DCX: variants seen among roughly 807,000 people sequenced by gnomAD.
DCX encodes doublecortin, also known as neuronal migration protein doublecortin.
DCX carries 4 observed loss-of-function variants against 20.9 expected under a neutral mutation model. That is an observed-to-expected ratio of 0.19 (90% CI 0.09 to 0.44). The LOEUF is 0.44. DCX is among the 20% of genes least tolerant of loss of function. The probability of loss-of-function intolerance (pLI) is 0.99; values close to 1 mark genes in which losing one functional copy is unlikely to be tolerated. For synonymous variants in DCX, 103 were observed against 111.4 expected, an observed-to-expected ratio of 0.92 and a Z score of 0.47; for missense variants, 133 against 296.9, an observed-to-expected ratio of 0.45 and a Z score of 4.06.
intron 6 of DCX, among the ~76,000 whole-genome samples, chrX:111,307,641 TTCTA>T (rs1314589346): frequency 2.7e-5 from 3 of 111,678 alleles, no homozygotes; most frequent in East Asian, 2.8e-4. Flanking sequence ...ACTGCAATCA[TTCTA>T]TCTTTTTCTT....
chrX:111,369,629 C>T (rs897080543), intron 3 of DCX, among the ~76,000 whole-genome samples: 6 of 111,897 alleles, frequency 5.4e-5, no homozygotes, highest in African/African-American at 1.9e-4. Flanking sequence ...GGTGGCCCTA[C>T]GACTGGCACA....
intron 3 of DCX, among the ~76,000 whole-genome samples, chrX:111,364,083 C>T (rs1924422073): frequency 8.9e-6 from 1 of 111,889 alleles, no homozygotes; most frequent in African/African-American, 3.2e-5. Context: ...ATAGGGCTGG[C>T]TAATTTGTTT....
rs587783565 is a variant in DCX, at chrX:111,401,124, G to C, written c.571C>G (p.Pro191Ala). Residue 191 changes from proline (P) to alanine (A), a missense_variant, in exon 3 of 7, where the codon CCT becomes GCT. By Grantham distance (27) the Pro-to-Ala change is conservative (BLOSUM62 -1). This residue lies in a region of DCX where 65 missense variants were observed against 212.6 expected (regional missense o/e 0.31). Coordinates refer to ENST00000636035, the MANE Select transcript of DCX (RefSeq NM_001195553.2). ...LVTIIRSGVK[P>A]RKAVRVLLNK... is the part of the protein sequence containing the mutation. ...AGAAGCACACGCACAGCCTTCCGAG[G>C]CTTCACCCCACTGCGGATGATGGTA... 8.3e-7 allele frequency: 1 copy of C among 1,211,474 alleles called. No individual in the cohort carries two copies. The highest frequency in any genetic ancestry group is 1.1e-6 in the Non-Finnish European group (1 of 895,473).
At chrX:111,358,085 C>T (rs1210792950) in intron 3 of DCX, among the ~76,000 whole-genome samples, 2 of 111,754 alleles carry the variant, frequency 1.8e-5, no homozygotes, top group Non-Finnish European at 3.8e-5. Flanking sequence ...GCCTCAGCCT[C>T]GCAAAGTGCT....
rs777828932 is a variant in DCX at position 111,388,946 on chromosome X, TACATATA to T, written c.705+12037_705+12043del. ...TACATGGGACATTTTAGCAACCAAC[TACATATA>T]AAACAAGAGTTAGCAAAGAGAAAAT... On this transcript the variant is annotated intron_variant, in intron 3 of 6. Transcript: ENST00000636035. Among the ~76,000 whole-genome samples, 78 of 111,810 alleles carry T rather than the reference TACATATA, an allele frequency of 7.0e-4. 1 individual carries two copies. Among genetic ancestry groups the T allele is most frequent in the Middle Eastern group, 9.2e-3 (2 of 217 alleles).
intron 3 of DCX, among the ~76,000 whole-genome samples, chrX:111,392,665 T>C (rs974632279): frequency 9.0e-6 from 1 of 111,472 alleles, no homozygotes; most frequent in Non-Finnish European, 1.9e-5. Context: ...GGATAGAGGG[T>C]AGGAGAGGTA....
chrX:111,314,707 G>A (rs952165952), intron 5 of DCX, among the ~76,000 whole-genome samples: 6 of 111,565 alleles, frequency 5.4e-5, no homozygotes, highest in South Asian at 3.7e-4. Flanking sequence ...TATGTAAATT[G>A]TATCTCAATA....
At chrX:111,382,437 A>G (rs1397544330) in intron 3 of DCX, among the ~76,000 whole-genome samples, 1 of 111,887 alleles carries the variant, frequency 8.9e-6, no homozygotes, top group Non-Finnish European at 1.9e-5. Context: ...GACAAGTGCT[A>G]TCCCAAAATA....
At chrX:111,331,164 G>A in intron 4 of DCX, 123 bp from the exon 5 acceptor site, 3 of 817,473 alleles carry the variant, frequency 3.7e-6, no homozygotes, top group Non-Finnish European at 3.6e-6. Flanking sequence ...ACTACAATGT[G>A]GTCCTTATTA....
At chrX:111,331,686 G>T (rs1373667755) in intron 4 of DCX, among the ~76,000 whole-genome samples, 1 of 112,090 alleles carries the variant, frequency 8.9e-6, no homozygotes, top group Non-Finnish European at 1.9e-5. Context: ...CTGGTGTGTG[G>T]GAGAGTCTGC....
chrX:111,370,642 G>A (rs770817290), intron 3 of DCX, among the ~76,000 whole-genome samples: 14 of 110,815 alleles, frequency 1.3e-4, no homozygotes, highest in Non-Finnish European at 2.6e-4. Context: ...CTCTCAGTTC[G>A]GAACTGGCTT....
intron 3 of DCX, among the ~76,000 whole-genome samples, chrX:111,366,402 A>G (rs1924635953): frequency 1.8e-5 from 2 of 112,310 alleles, no homozygotes; most frequent in South Asian, 7.4e-4. Flanking sequence ...ATCAGTCCAG[A>G]GACAGAGCTG....
At chrX:111,361,758 C>T (rs1259601803) in intron 3 of DCX, among the ~76,000 whole-genome samples, 1 of 112,210 alleles carries the variant, frequency 8.9e-6, no homozygotes, top group Non-Finnish European at 1.9e-5. Context: ...CAATGTTAAT[C>T]TAGGGTTTAC....
chrX:111,382,963 G>A (rs1409800387), intron 3 of DCX, among the ~76,000 whole-genome samples: 3 of 111,431 alleles, frequency 2.7e-5, no homozygotes, highest in Non-Finnish European at 5.7e-5. Flanking sequence ...AACAAATTTT[G>A]TATAGAAGGA....
chrX:111,315,056 T>C (rs1489641373), intron 5 of DCX, among the ~76,000 whole-genome samples: 1 of 108,125 alleles, frequency 9.2e-6, no homozygotes, highest in African/African-American at 3.5e-5. Flanking sequence ...TCCTGAATGG[T>C]AATGCCTAGG....
At chrX:111,350,933 C>T (rs759765556) in intron 3 of DCX, among the ~76,000 whole-genome samples, 3 of 111,957 alleles carry the variant, frequency 2.7e-5, no homozygotes, top group Admixed American at 9.5e-5. Context: ...GGAATGAGAA[C>T]CAAGTGAAAG....
rs1448862977 is a variant in DCX at position 111,321,386 on chromosome X, G to T, written c.947-8650C>A. On this transcript the variant is annotated intron_variant, in intron 5 of 6. Coordinates refer to ENST00000636035, the MANE Select transcript of DCX (RefSeq NM_001195553.2). ...TCTTGGTTCACTGGCTCCTCTGAAT[G>T]ATTATGCCTGTTCTTGCCTTTGTAC... Among the ~76,000 whole-genome samples, 9 of 111,908 alleles carry T rather than the reference G, an allele frequency of 8.0e-5. No homozygotes were observed. In the Admixed American group the frequency reaches 8.6e-4, roughly 11 times the overall value.
At chrX:111,367,741 GC>G (rs748731868) in intron 3 of DCX, among the ~76,000 whole-genome samples, 12 of 111,026 alleles carry the variant, frequency 1.1e-4, no homozygotes, top group African/African-American at 3.9e-4. Context: ...AGCAATGATA[GC>G]CCCCTCTCAA....
chrX:111,361,072 T>TA (rs1924168571), intron 3 of DCX, among the ~76,000 whole-genome samples: 1 of 111,690 alleles, frequency 9.0e-6, no homozygotes, highest in East Asian at 2.8e-4. Context: ...TGTCTCTATA[T>TA]ATTTCCAAAT....
Sources: gnomAD v4.1 joint callset for allele counts (sites outside exome capture counted in the v4.1 genomes callset) on GRCh38, gnomAD v4.1.1 for gene constraint, gnomAD v4.1.1 regional missense constraint, MANE v1.5 for transcripts, NCBI Gene and HGNC (gene_info 2026-07-23, HGNC 2026-07-21) for gene names.